AQR: variants seen among roughly 807,000 people sequenced by gnomAD.
AQR encodes aquarius intron-binding spliceosomal factor.
Under a neutral mutation model 180.5 loss-of-function variants are expected in AQR, and 61 were observed. The observed-to-expected ratio is 0.34, with a 90% CI of 0.28 to 0.42. AQR has a LOEUF of 0.42. Among genes scored for constraint, AQR ranks in the 10% least tolerant of loss-of-function variants. AQR has a pLI of 1.00. For synonymous variants in AQR, 551 were observed against 588.8 expected (o/e 0.94, Z 0.93); for missense variants, 1,281 against 1,798.3 (o/e 0.71, Z 5.20).
chr15:34,964,151 A>T, intron 2 of AQR, 83 bp downstream of exon 2: 3 of 1,009,940 alleles, frequency 3.0e-6, no homozygotes, highest in African/African-American at 1.6e-5. Flanking sequence ...AATTTTAAAA[A>T]AATTATGGAA....
chr15:34,941,885 A>T (rs1414662336), intron 7 of AQR, 127 bp downstream of exon 7: 8 of 526,348 alleles, frequency 1.5e-5, no homozygotes. Flanking sequence ...AAAGTTAAGC[A>T]AAGTGGCTTT....
At chr15:34,913,100 G>A (rs1158234080) in intron 16 of AQR, among the ~76,000 whole-genome samples, 1 of 152,098 alleles carries the variant, frequency 6.6e-6, no homozygotes, top group African/African-American at 2.4e-5. Flanking sequence ...ATAGTTCTCA[G>A]TAAATTTACA....
At chr15:34,964,353 G>T in intron 1 of AQR, 63 bp from the exon 2 acceptor site, 1 of 1,331,588 alleles carries the variant, frequency 7.5e-7, no homozygotes, top group Non-Finnish European at 1.1e-6. Flanking sequence ...CTGGAAGACA[G>T]ATCATTTAGT....
intron 27 of AQR, among the ~76,000 whole-genome samples, chr15:34,876,675 G>A (rs1595783566): frequency 6.6e-6 from 1 of 151,934 alleles, no homozygotes; most frequent in Non-Finnish European, 1.5e-5. Context: ...TCACACCACT[G>A]TTTAAGTGAA....
intron 1 of AQR, among the ~76,000 whole-genome samples, chr15:34,969,285 G>C (rs2050330907): frequency 6.6e-6 from 1 of 152,122 alleles, no homozygotes; most frequent in African/African-American, 2.4e-5. Context: ...TCATACAGTA[G>C]TTTTATTTTC....
chr15:34,961,149 G>A (rs2050275000), intron 2 of AQR, among the ~76,000 whole-genome samples: 1 of 152,076 alleles, frequency 6.6e-6, no homozygotes, highest in South Asian at 2.1e-4. Flanking sequence ...CTCCATTTGA[G>A]AGTCATAACT....
At position 34,944,819 on chromosome 15, in the gene AQR, C is replaced by T. The variant is rs9806721; in HGVS notation, c.331-391G>A. Among the ~76,000 whole-genome samples the T allele has an allele frequency of 7.0e-3, 1,064 of 152,316 alleles. 10 individuals are homozygous for T. Among genetic ancestry groups the T allele is most frequent in the African/African-American group, 0.023 (942 of 41,576 alleles). On this transcript the variant is annotated intron_variant, in intron 5 of 34. Transcript: ENST00000156471. Reference sequence around the variant, plus strand: ...GTAGTTTTCACACTGTAATTAATCTCAAGAACAGCCCCTCCTGCTTTATAT... The same window carrying T: ...GTAGTTTTCACACTGTAATTAATCTTAAGAACAGCCCCTCCTGCTTTATAT...
At chr15:34,965,961 G>A (rs1240121389) in intron 1 of AQR, among the ~76,000 whole-genome samples, 1 of 152,136 alleles carries the variant, frequency 6.6e-6, no homozygotes, top group African/African-American at 2.4e-5. Flanking sequence ...CATTTATTAA[G>A]CATCTATCAT....
intron 13 of AQR, among the ~76,000 whole-genome samples, chr15:34,922,231 T>C (rs1327750850): frequency 6.6e-6 from 1 of 152,258 alleles, no homozygotes; most frequent in Non-Finnish European, 1.5e-5. Flanking sequence ...GAGCAGTATT[T>C]CATGATACGG....
At chr15:34,928,258 T>C (rs945146300) in intron 12 of AQR, among the ~76,000 whole-genome samples, 1 of 152,106 alleles carries the variant, frequency 6.6e-6, no homozygotes, top group Admixed American at 6.6e-5. Context: ...ATGGGATACA[T>C]GTGGAAATGT....
chr15:34,869,939 T>C (rs1892791509), intron 31 of AQR: 1 of 152,226 alleles, frequency 6.6e-6, no homozygotes, highest in Non-Finnish European at 1.5e-5. Flanking sequence ...TATGTTTTGC[T>C]GTTCTTCATT....
chr15:34,869,405 C>G (rs16959977), intron 31 of AQR: 3 of 151,998 alleles, frequency 2.0e-5, no homozygotes, highest in Admixed American at 6.6e-5. Context: ...TCTGGATATA[C>G]GTCCTTTGTT....
At chr15:34,904,872 A>C (rs1452433175) in intron 18 of AQR, among the ~76,000 whole-genome samples, 2 of 152,048 alleles carry the variant, frequency 1.3e-5, no homozygotes. Context: ...GTAAGTATTC[A>C]ATAAATATTT....
chr15:34,935,983 G>A (rs562100405), intron 9 of AQR, among the ~76,000 whole-genome samples: 58 of 152,220 alleles, frequency 3.8e-4, no homozygotes, highest in African/African-American at 1.4e-3. Context: ...ACAAATTACT[G>A]GAAATGGCCT....
At chr15:34,889,390 T>C (rs1893108034) in intron 24 of AQR, among the ~76,000 whole-genome samples, 2 of 152,214 alleles carry the variant, frequency 1.3e-5, no homozygotes, top group South Asian at 2.1e-4. Flanking sequence ...TCATCAAATA[T>C]CATGTTTAAT....
intron 13 of AQR, among the ~76,000 whole-genome samples, chr15:34,923,296 G>A (rs958934784): frequency 1.3e-5 from 2 of 152,042 alleles, no homozygotes; most frequent in African/African-American, 2.4e-5. Flanking sequence ...CATCCCCTGC[G>A]GAAAGTAGGG....
intron 34 of AQR, among the ~76,000 whole-genome samples, chr15:34,859,034 A>G (rs1188728812): frequency 1.3e-5 from 2 of 152,244 alleles, no homozygotes; most frequent in African/African-American, 4.8e-5. Context: ...CATAAAAAGC[A>G]TGAATCATAA....
chr15:34,899,889 T>A, intron 20 of AQR, among the ~76,000 whole-genome samples: 1 of 152,154 alleles, frequency 6.6e-6, no homozygotes, highest in South Asian at 2.1e-4. Context: ...AATATGACTA[T>A]TGTATTTATT....
intron 2 of AQR, among the ~76,000 whole-genome samples, chr15:34,962,630 G>A (rs747760416): frequency 6.6e-6 from 1 of 151,818 alleles, no homozygotes; most frequent in African/African-American, 2.4e-5. Flanking sequence ...TTAGCAGGGC[G>A]TGGTGGCGTG....
Sources: allele counts gnomAD v4.1 joint callset (sites outside exome capture counted in the v4.1 genomes callset), GRCh38; gene constraint gnomAD v4.1.1; transcripts MANE v1.5; gene names NCBI Gene and HGNC (gene_info 2026-07-23, HGNC 2026-07-21).